INTS7: variants seen among roughly 807,000 people sequenced by gnomAD.
INTS7 encodes integrator complex subunit 7.
A neutral mutation model predicts 109.2 loss-of-function variants in INTS7; 46 were observed. The ratio of observed to expected loss-of-function variants is 0.42; its 90% CI spans 0.33 to 0.54. The LOEUF is 0.54. INTS7 is among the 20% of genes least tolerant of loss of function. INTS7 has a pLI of 0.07. For missense variants in INTS7, 929 were observed against 1,132.4 expected, an observed-to-expected ratio of 0.82 and a Z score of 2.58; for synonymous variants, 412 against 402.9, an observed-to-expected ratio of 1.02 and a Z score of -0.27.
intron 7 of INTS7, among the ~76,000 whole-genome samples, chr1:212,001,467 T>G (rs569251590): frequency 6.6e-6 from 1 of 152,134 alleles, no homozygotes; most frequent in South Asian, 2.1e-4. Flanking sequence ...AAAAGAATAA[T>G]ACAAATAAAA....
intron 13 of INTS7, among the ~76,000 whole-genome samples, chr1:211,969,551 CTTTTTTTT>C (rs36104773): frequency 5.9e-5 from 5 of 85,018 alleles, no homozygotes; most frequent in African/African-American, 8.3e-5. Flanking sequence ...TTTTTCTTTT[CTTTTTTTT>C]TTTTTTTTTT....
chr1:211,961,860 G>GC (rs1558027801), intron 16 of INTS7, among the ~76,000 whole-genome samples: 1 of 152,108 alleles, frequency 6.6e-6, no homozygotes, highest in Non-Finnish European at 1.5e-5. Flanking sequence ...CACCAGACCT[G>GC]CCTTATTAGA....
intron 9 of INTS7, among the ~76,000 whole-genome samples, chr1:211,981,542 C>T (rs1006386746): frequency 2.6e-5 from 4 of 152,168 alleles, no homozygotes; most frequent in African/African-American, 9.7e-5. Flanking sequence ...ATGTGTTAAT[C>T]TCCCTAATCA....
chr1:212,035,006 CTGAA>C (rs1667360507), intron 1 of INTS7, among the ~76,000 whole-genome samples: 3 of 152,232 alleles, frequency 2.0e-5, no homozygotes, highest in Non-Finnish European at 4.4e-5. Flanking sequence ...ACTGAACAGA[CTGAA>C]AACCAATTTC....
intron 4 of INTS7, among the ~76,000 whole-genome samples, chr1:212,015,207 G>A (rs1400562429): frequency 2.6e-5 from 4 of 152,180 alleles, no homozygotes; most frequent in Non-Finnish European, 4.4e-5. Flanking sequence ...TCTGGGAGGT[G>A]TACCCAACAG....
chr1:211,955,697 G>A (rs559640747), intron 16 of INTS7, among the ~76,000 whole-genome samples: 1 of 152,284 alleles, frequency 6.6e-6, no homozygotes, highest in South Asian at 2.1e-4. Flanking sequence ...TTTCAGCCAG[G>A]TATTTTACAT....
chr1:212,006,612 A>T, intron 7 of INTS7, 27 bp downstream of exon 7: 1 of 1,234,434 alleles, frequency 8.1e-7, no homozygotes, highest in Non-Finnish European at 1.1e-6. Flanking sequence ...TATTTTTTCT[A>T]TATAAAATGT....
chr1:212,015,492 CAG>C (rs1262441751), intron 4 of INTS7, among the ~76,000 whole-genome samples: 1 of 151,834 alleles, frequency 6.6e-6, no homozygotes, highest in Non-Finnish European at 1.5e-5. Context: ...TTTTGTTAAA[CAG>C]ATGCTTGAAG....
chr1:212,021,471 A>G (rs928727297), intron 1 of INTS7, among the ~76,000 whole-genome samples: 1 of 152,062 alleles, frequency 6.6e-6, no homozygotes, highest in African/African-American at 2.4e-5. Context: ...CATAAAATAA[A>G]TCTCAACACA....
chr1:212,000,758 C>T (rs916793209), intron 7 of INTS7, among the ~76,000 whole-genome samples: 33 of 152,086 alleles, frequency 2.2e-4, no homozygotes, highest in African/African-American at 8.0e-4. Flanking sequence ...CAAAACAAAA[C>T]CCAAAAAAAA....
At chr1:212,018,355 T>C (rs1666533269) in intron 3 of INTS7, among the ~76,000 whole-genome samples, 2 of 152,286 alleles carry the variant, frequency 1.3e-5, no homozygotes, top group Non-Finnish European at 2.9e-5. Flanking sequence ...AAAAGTCAAT[T>C]GCCATGACTT....
intron 7 of INTS7, among the ~76,000 whole-genome samples, chr1:211,994,406 A>G (rs1665279139): frequency 6.6e-6 from 1 of 151,402 alleles, no homozygotes; most frequent in South Asian, 2.1e-4. Context: ...ATTCAGCTGC[A>G]ATGGAAAAAA....
intron 3 of INTS7, among the ~76,000 whole-genome samples, chr1:212,017,952 A>C (rs1241175000): frequency 6.6e-6 from 1 of 152,224 alleles, no homozygotes; most frequent in Non-Finnish European, 1.5e-5. Flanking sequence ...GAAATAACAA[A>C]TGACTATTAA....
At chr1:211,968,890 CCAG>C (rs1664031194) in intron 13 of INTS7, among the ~76,000 whole-genome samples, 183 bp from the exon 14 acceptor site, 1 of 152,076 alleles carries the variant, frequency 6.6e-6, no homozygotes, top group Admixed American at 6.5e-5. Context: ...TTATTAAACA[CCAG>C]CTCTGAAAAA....
At chr1:211,968,456 A>G (rs1664010618) in intron 14 of INTS7, 57 bp downstream of exon 14, 38 of 1,426,386 alleles carry the variant, frequency 2.7e-5, no homozygotes, top group Non-Finnish European at 3.7e-5. Flanking sequence ...TTTTCATCTT[A>G]TAACTTCGAA....
chr1:211,953,168 G>A (rs1010963810), intron 16 of INTS7, among the ~76,000 whole-genome samples: 1 of 152,124 alleles, frequency 6.6e-6, no homozygotes, highest in African/African-American at 2.4e-5. Context: ...GTAAACTTTG[G>A]AGAGATGGAA....
chr1:211,985,384 C>T (rs1025796734), intron 8 of INTS7, among the ~76,000 whole-genome samples: 6 of 151,882 alleles, frequency 4.0e-5, no homozygotes, highest in Admixed American at 1.3e-4. Flanking sequence ...ACATAATAAA[C>T]GGAAATAAAG....
chr1:211,954,206 A>ATTT (rs1558023879), intron 16 of INTS7, among the ~76,000 whole-genome samples: 1 of 151,702 alleles, frequency 6.6e-6, no homozygotes, highest in Admixed American at 6.6e-5. Flanking sequence ...TTCTTTTGAG[A>ATTT]AGTGTCTGTT....
At chr1:211,956,502 C>T (rs1486042366) in intron 16 of INTS7, among the ~76,000 whole-genome samples, 2 of 152,044 alleles carry the variant, frequency 1.3e-5, no homozygotes, top group African/African-American at 4.8e-5. Context: ...TAAATTTGTC[C>T]TGTTCACCTA....
Sources: allele counts gnomAD v4.1 joint callset (sites outside exome capture counted in the v4.1 genomes callset), GRCh38; gene constraint gnomAD v4.1.1; transcripts MANE v1.5; gene names NCBI Gene and HGNC (gene_info 2026-07-23, HGNC 2026-07-21).